Variants in FBXL17 observed in about 807,000 individuals in gnomAD.
FBXL17 encodes F-box and leucine rich repeat protein 17, also known as F-box/LRR-repeat protein 17.
In FBXL17, 22 loss-of-function variants were observed where a neutral mutation model predicts 66.2. The ratio of observed to expected loss-of-function variants is 0.33; its 90% CI spans 0.24 to 0.47. FBXL17 has a LOEUF of 0.47. FBXL17 is among the 20% of genes least tolerant of loss of function. The pLI, the probability that FBXL17 is intolerant of heterozygous loss-of-function variation, is 1.00. For synonymous variants in FBXL17, 474 were observed against 400.5 expected (o/e 1.18, Z -2.19); for missense variants, 878 against 948.2 (o/e 0.93, Z 0.97).
chr5:108,188,836 T>C (rs158606), intron 5 of FBXL17, among the ~76,000 whole-genome samples: 21,971 of 152,230 alleles, frequency 0.14, 1,907 homozygotes, highest in South Asian at 0.33. Context: ...CCTCTCATTG[T>C]AGCTTTTTTT....
chr5:108,303,863 T>C (rs1009304207), intron 4 of FBXL17, among the ~76,000 whole-genome samples: 3 of 151,990 alleles, frequency 2.0e-5, no homozygotes, highest in Non-Finnish European at 1.5e-5. Context: ...ATTCAAACTT[T>C]CTCATTTTGA....
At chr5:108,193,067 T>C (rs1340755722) in intron 5 of FBXL17, among the ~76,000 whole-genome samples, 1 of 152,220 alleles carries the variant, frequency 6.6e-6, no homozygotes, top group East Asian at 1.9e-4. Context: ...TGTTCAAATG[T>C]CAATTAGTAC....
At chr5:107,868,417 A>G (rs942499275) in intron 8 of FBXL17, among the ~76,000 whole-genome samples, 8 of 152,240 alleles carry the variant, frequency 5.3e-5, no homozygotes, top group Non-Finnish European at 1.2e-4. Context: ...TGGCCTGCAG[A>G]ACAGTCTGTT....
At chr5:108,301,598 C>T (rs538928755) in intron 4 of FBXL17, among the ~76,000 whole-genome samples, 77 of 151,634 alleles carry the variant, frequency 5.1e-4, no homozygotes, top group African/African-American at 1.8e-3. Flanking sequence ...AATTGCAGTA[C>T]CATAGGTCTA....
chr5:108,340,239 G>C (rs1746792159), intron 4 of FBXL17, among the ~76,000 whole-genome samples: 1 of 150,554 alleles, frequency 6.6e-6, no homozygotes. Flanking sequence ...TCTTCAGATT[G>C]AAATTATACT....
intron 4 of FBXL17, among the ~76,000 whole-genome samples, chr5:108,260,355 C>T (rs1453153572): frequency 7.9e-5 from 12 of 152,102 alleles, no homozygotes; most frequent in African/African-American, 2.9e-4. Context: ...TGACCAGAGG[C>T]TGGTCATCCG....
At chr5:107,912,293 C>A (rs935528432) in intron 7 of FBXL17, among the ~76,000 whole-genome samples, 1 of 152,138 alleles carries the variant, frequency 6.6e-6, no homozygotes, top group Non-Finnish European at 1.5e-5. Context: ...TAAGGCAACT[C>A]CTCTAAGGTC....
chr5:107,867,113 C>T (rs188883007), intron 8 of FBXL17, among the ~76,000 whole-genome samples: 32 of 152,320 alleles, frequency 2.1e-4, no homozygotes, highest in African/African-American at 7.5e-4. Context: ...CCAGACTGCT[C>T]AGCTAGAGTG....
intron 7 of FBXL17, among the ~76,000 whole-genome samples, chr5:107,991,581 T>C (rs544022171): frequency 2.0e-5 from 3 of 152,306 alleles, no homozygotes; most frequent in East Asian, 3.9e-4. Flanking sequence ...GGAAGAAAGA[T>C]TGTATTGGCC....
chr5:107,920,685 T>C (rs553414289), intron 7 of FBXL17, among the ~76,000 whole-genome samples: 2 of 152,322 alleles, frequency 1.3e-5, no homozygotes, highest in South Asian at 4.1e-4. Flanking sequence ...ATGACTTCTG[T>C]ATAGCACCTT....
intron 7 of FBXL17, among the ~76,000 whole-genome samples, chr5:108,018,241 A>G (rs902042437): frequency 6.6e-6 from 1 of 152,130 alleles, no homozygotes; most frequent in African/African-American, 2.4e-5. Flanking sequence ...ATTTCTAAGT[A>G]GCTTCAATAA....
At chr5:108,284,823 C>A (rs1332066699) in intron 4 of FBXL17, among the ~76,000 whole-genome samples, 1 of 151,790 alleles carries the variant, frequency 6.6e-6, no homozygotes, top group Non-Finnish European at 1.5e-5. Context: ...GTAGTGGCTG[C>A]TGAAGCTTGG....
In FBXL17 at chr5:108,009,308, T is replaced by TATATATATATACACAC; in HGVS notation, c.1822+11616_1822+11617insGTGTGTATATATATAT. ...ATATATATATATATATATACATATATACATACACATATAGTTTTGCTTTTG... is the reference window on the plus strand; with the variant it reads ...ATATATATATATATATATACATATATATATATATATACACACACATACACATATAGTTTTGCTTTTG... On this transcript the variant is annotated intron_variant, in intron 7 of 8. Transcript: ENST00000542267. Among the ~76,000 whole-genome samples, 37 of 42,206 alleles carry TATATATATATACACAC rather than the reference T, an allele frequency of 8.8e-4. 4 individuals carry two copies. Among genetic ancestry groups the TATATATATATACACAC allele is most frequent in the African/African-American group, 1.4e-3 (16 of 11,328 alleles). 27.7% of individuals were successfully genotyped at this position (42,206 alleles called of 152,430 possible). A position where few individuals can be genotyped will look rare whatever the true frequency, so the allele number is the denominator to read the frequency against.
intron 6 of FBXL17, among the ~76,000 whole-genome samples, chr5:108,110,548 A>G (rs543261161): frequency 1.3e-5 from 2 of 152,328 alleles, no homozygotes; most frequent in Admixed American, 1.3e-4. Context: ...ATTTGAAAGT[A>G]GTTTCCTATT....
intron 7 of FBXL17, among the ~76,000 whole-genome samples, chr5:107,990,464 C>T (rs1335655281): frequency 6.6e-6 from 1 of 152,110 alleles, no homozygotes; most frequent in African/African-American, 2.4e-5. Context: ...GAGTTGGTCT[C>T]TGTCAATTTG....
intron 4 of FBXL17, among the ~76,000 whole-genome samples, chr5:108,331,854 T>C (rs1760139030): frequency 6.6e-6 from 1 of 152,170 alleles, no homozygotes; most frequent in Admixed American, 6.5e-5. Flanking sequence ...TCCATATTTA[T>C]GAATATAACT....
intron 7 of FBXL17, among the ~76,000 whole-genome samples, chr5:107,967,631 G>T (rs1752203117): frequency 6.6e-6 from 1 of 151,398 alleles, no homozygotes; most frequent in East Asian, 1.9e-4. Flanking sequence ...GTATACATAT[G>T]TAACAAACCT....
At chr5:108,255,387 T>G (rs774512683) in intron 4 of FBXL17, among the ~76,000 whole-genome samples, 1 of 152,178 alleles carries the variant, frequency 6.6e-6, no homozygotes, top group Non-Finnish European at 1.5e-5. Flanking sequence ...ACTGACATGA[T>G]TTTTTATGTT....
At chr5:107,899,679 C>T (rs1412300360) in intron 7 of FBXL17, among the ~76,000 whole-genome samples, 1 of 152,136 alleles carries the variant, frequency 6.6e-6, no homozygotes, top group Non-Finnish European at 1.5e-5. Flanking sequence ...GGTCACTGTA[C>T]TTAAATTTAG....
Sources: gnomAD v4.1 joint callset for allele counts (sites outside exome capture counted in the v4.1 genomes callset) on GRCh38, gnomAD v4.1.1 for gene constraint, MANE v1.5 for transcripts, NCBI Gene and HGNC (gene_info 2026-07-23, HGNC 2026-07-21) for gene names.